AHI1: variants seen among roughly 807,000 people sequenced by gnomAD.
AHI1 encodes the protein Abelson helper integration site 1.
In AHI1, 123 loss-of-function variants were observed where a neutral mutation model predicts 149.3. The observed-to-expected ratio is 0.82, with a 90% CI of 0.71 to 0.96. The LOEUF is 0.96. Ranked by LOEUF, AHI1 falls within the 40% of genes least tolerant of loss-of-function variation. The probability of loss-of-function intolerance (pLI) is 0.00; values close to 1 mark genes in which losing one functional copy is unlikely to be tolerated. For synonymous variants in AHI1, 475 were observed against 459.8 expected (o/e 1.03, Z -0.42); for missense variants, 1,439 against 1,422.7 (o/e 1.01, Z -0.18).
At chr6:135,446,096 C>T (rs1031839754) in intron 13 of AHI1, among the ~76,000 whole-genome samples, 1 of 151,958 alleles carries the variant, frequency 6.6e-6, no homozygotes, top group African/African-American at 2.4e-5. Flanking sequence ...CTACATTGCC[C>T]AGGCTAAAAA....
chr6:135,352,383 G>T (rs1792256398), intron 24 of AHI1, among the ~76,000 whole-genome samples: 1 of 152,062 alleles, frequency 6.6e-6, no homozygotes, highest in African/African-American at 2.4e-5. Context: ...TGTACACAGT[G>T]TGTCTTTCTA....
At chr6:135,390,460 A>AT (rs397975948) in intron 23 of AHI1, among the ~76,000 whole-genome samples, 9 of 152,042 alleles carry the variant, frequency 5.9e-5, no homozygotes, top group Non-Finnish European at 1.2e-4. Context: ...AGTAAAAAAA[A>AT]GAAGGTAATA....
At chr6:135,475,293 T>C (rs999212376) in intron 5 of AHI1, among the ~76,000 whole-genome samples, 1 of 152,224 alleles carries the variant, frequency 6.6e-6, no homozygotes, top group African/African-American at 2.4e-5. Flanking sequence ...CTTCTTTCCT[T>C]GTTTCCCAAT....
At chr6:135,332,070 GT>G (rs1347099809) in intron 24 of AHI1, among the ~76,000 whole-genome samples, 518 of 136,648 alleles carry the variant, frequency 3.8e-3, no homozygotes, top group Middle Eastern at 0.012. Context: ...TCAGGTTTAG[GT>G]TTTTTTTTTT....
intron 27 of AHI1, among the ~76,000 whole-genome samples, chr6:135,300,092 AGG>A (rs1437637651): frequency 6.6e-6 from 1 of 152,160 alleles, no homozygotes; most frequent in African/African-American, 2.4e-5. Context: ...TGGGAGGCCG[AGG>A]CAGGTGGATC....
intron 20 of AHI1, among the ~76,000 whole-genome samples, chr6:135,414,127 T>C (rs961983548): frequency 3.3e-5 from 5 of 152,050 alleles, no homozygotes; most frequent in African/African-American, 1.2e-4. Flanking sequence ...TAAAGATAAA[T>C]AAACAGATCA....
At chr6:135,389,583 T>A (rs1183132431) in intron 23 of AHI1, among the ~76,000 whole-genome samples, 2 of 152,168 alleles carry the variant, frequency 1.3e-5, no homozygotes, top group African/African-American at 4.8e-5. Flanking sequence ...TTTTAAAAAA[T>A]CATGTCATCC....
At chr6:135,342,014 C>T (rs989767103) in intron 24 of AHI1, among the ~76,000 whole-genome samples, 29 of 151,406 alleles carry the variant, frequency 1.9e-4, no homozygotes, top group Admixed American at 1.6e-3. Context: ...ATTGGTTCTT[C>T]GAAAGATCAA....
intron 18 of AHI1, 142 bp from the exon 19 acceptor site, chr6:135,428,901 A>G: frequency 1.4e-6 from 1 of 710,226 alleles, no homozygotes; most frequent in Non-Finnish European, 2.2e-6. Context: ...ATTCTATAAT[A>G]TAATGGATGC....
chr6:135,416,479 TAA>T (rs1583127162), intron 20 of AHI1, among the ~76,000 whole-genome samples: 1 of 152,050 alleles, frequency 6.6e-6, no homozygotes, highest in East Asian at 1.9e-4. Context: ...GAAAAAGATA[TAA>T]CAGTATAATT....
intron 21 of AHI1, among the ~76,000 whole-genome samples, chr6:135,405,859 CAAA>C (rs543403253): frequency 6.8e-5 from 2 of 29,430 alleles, no homozygotes; most frequent in African/African-American, 1.2e-4. Flanking sequence ...GACTCCAACT[CAAA>C]AAAAAAAAAA....
chr6:135,304,858 G>T (rs1408551118), intron 26 of AHI1, among the ~76,000 whole-genome samples: 1 of 152,110 alleles, frequency 6.6e-6, no homozygotes, highest in Non-Finnish European at 1.5e-5. Context: ...TTATCTGTGG[G>T]GCAGCATAAT....
rs1785742088 is a variant in AHI1 at position 135,438,411 on chromosome 6, T to C, written c.2000A>G (p.His667Arg). ...IYDLSWSKDD[H>R]YILTSSSDGT... ...ATCAGATGATGAAGTAAGGATGTAG[T>C]GATCATCTTTTGACCAGGAAAGATC... The change falls in exon 15 of 29, where the codon CAC becomes CGC. Residue 667 changes from histidine to arginine, a missense_variant. By Grantham distance (29) the His-to-Arg change is conservative (BLOSUM62 0). Coordinates refer to ENST00000265602, the MANE Select transcript of AHI1 (RefSeq NM_001134831.2). The C allele has an allele frequency of 9.5e-6, 15 of 1,575,234 alleles. No individual in the cohort carries two copies. The highest frequency in any genetic ancestry group is 2.3e-5 in the East Asian group (1 of 43,544).
chr6:135,291,487 G>A (rs1033640262), intron 27 of AHI1, among the ~76,000 whole-genome samples: 4 of 152,208 alleles, frequency 2.6e-5, no homozygotes, highest in Non-Finnish European at 4.4e-5. Context: ...AAGAGGCCAT[G>A]TGAGGACACA....
At chr6:135,423,526 A>G (rs992849592) in intron 20 of AHI1, among the ~76,000 whole-genome samples, 1 of 152,208 alleles carries the variant, frequency 6.6e-6, no homozygotes, top group Non-Finnish European at 1.5e-5. Context: ...AACGTAGGCT[A>G]TCATTAATTA....
At chr6:135,322,404 G>C (rs1444717901) in intron 25 of AHI1, among the ~76,000 whole-genome samples, 1 of 151,650 alleles carries the variant, frequency 6.6e-6, no homozygotes, top group Non-Finnish European at 1.5e-5. Context: ...CGTTCGTTCT[G>C]TTTTCACCTC....
At chr6:135,491,821 C>T (rs1795291184) in intron 4 of AHI1, among the ~76,000 whole-genome samples, 1 of 152,176 alleles carries the variant, frequency 6.6e-6, no homozygotes, top group Non-Finnish European at 1.5e-5. Flanking sequence ...GTTATAACTG[C>T]TTTCATGCTT....
At chr6:135,449,747 T>C (rs992631840) in intron 11 of AHI1, among the ~76,000 whole-genome samples, 1 of 152,228 alleles carries the variant, frequency 6.6e-6, no homozygotes, top group African/African-American at 2.4e-5. Flanking sequence ...GAGCTTTCTA[T>C]AATGATGGGA....
Position 135,448,457 on chromosome 6 carries a change from T to G in AHI1, c.1459A>C (p.Asn487His). ...AFLKLLGANG[N>H]ANINSKLRLQ... ...CGAAGTTTTGAGTTGATGTTTGCAT[T>G]TCCATTGGCTCCCAGAAGCTTAAAA... Residue 487 changes from asparagine (N) to histidine (H), a missense_variant, in exon 12 of 29, where the codon AAT becomes CAT. Physicochemically the swap from Asn to His is moderately conservative, Grantham distance 68. Coordinates refer to ENST00000265602, the MANE Select transcript of AHI1 (RefSeq NM_001134831.2). 6.5e-7 allele frequency: 1 copy of G among 1,531,166 alleles called. No homozygotes were observed. Among genetic ancestry groups the G allele is most frequent in the Non-Finnish European group, 8.9e-7 (1 of 1,124,256 alleles). 94.8% of individuals were successfully genotyped at this position (1,531,166 alleles called of 1,614,324 possible). A position where few individuals can be genotyped will look rare whatever the true frequency, so the allele number is the denominator to read the frequency against.
Sources: allele counts gnomAD v4.1 joint callset (sites outside exome capture counted in the v4.1 genomes callset), GRCh38; gene constraint gnomAD v4.1.1; transcripts MANE v1.5; gene names NCBI Gene and HGNC (gene_info 2026-07-23, HGNC 2026-07-21).